The following ADAMTSL1 variants were observed in gnomAD, a reference collection of about 807,000 sequenced individuals.
ADAMTSL1 encodes ADAMTS like 1, also known as ADAMTS-like protein 1.
In ADAMTSL1, 126 loss-of-function variants were observed where a neutral mutation model predicts 201.8. The observed-to-expected ratio is 0.62, with a 90% CI of 0.54 to 0.72. The LOEUF (loss-of-function observed/expected upper bound fraction) is 0.72, where lower values mean the gene tolerates loss of function less well. ADAMTSL1 is among the 30% of genes least tolerant of loss of function. ADAMTSL1 has a pLI of 0.00. For synonymous variants in ADAMTSL1, 1,121 were observed against 903.4 expected, an observed-to-expected ratio of 1.24 and a Z score of -4.32; for missense variants, 2,679 against 2,277.8, an observed-to-expected ratio of 1.18 and a Z score of -3.59.
Position 18,354,369 on chromosome 9 carries a change from G to A in ADAMTSL1, c.208-150460G>A, listed in dbSNP as rs541423705. 4.5e-4 allele frequency among the ~76,000 whole-genome samples: 68 copies of A among 152,098 alleles called. No homozygotes were observed. The South Asian group carries it at 0.013, about 28-fold the overall frequency. ...TGTATTTGATTAAGTTGTTAGATAG[G>A]TTTTTAAACAAATGATATAACCCCA... On this transcript the variant is annotated intron_variant, in intron 2 of 29. Transcript: ENST00000680146.
intron 1 of ADAMTSL1, among the ~76,000 whole-genome samples, chr9:18,015,023 G>A (rs1820200425): frequency 6.6e-6 from 1 of 152,088 alleles, no homozygotes; most frequent in Non-Finnish European, 1.5e-5. Flanking sequence ...AATCATAGCA[G>A]AAGTAGCATT....
intron 1 of ADAMTSL1, among the ~76,000 whole-genome samples, chr9:18,485,593 A>G (rs142653918): frequency 1.7e-3 from 261 of 152,356 alleles, no homozygotes; most frequent in Non-Finnish European, 2.2e-3. Context: ...GATGTGTCCC[A>G]GGCACTGTCC....
chr9:18,779,256 A>G (rs1821243467), intron 19 of ADAMTSL1, among the ~76,000 whole-genome samples: 1 of 152,210 alleles, frequency 6.6e-6, no homozygotes, highest in East Asian at 1.9e-4. Context: ...GACTCGGTGA[A>G]TAGATATATA....
At chr9:18,561,289 A>T (rs1821478645) in intron 3 of ADAMTSL1, among the ~76,000 whole-genome samples, 1 of 152,158 alleles carries the variant, frequency 6.6e-6, no homozygotes, top group Admixed American at 6.5e-5. Context: ...TTCATTATTT[A>T]CCCAGTAGTC....
chr9:18,046,208 C>T (rs73645703), intron 1 of ADAMTSL1, among the ~76,000 whole-genome samples: 1 of 152,048 alleles, frequency 6.6e-6, no homozygotes, highest in African/African-American at 2.4e-5. Flanking sequence ...GGCTTGAGTG[C>T]TGTAATGCAG....
At chr9:18,312,127 T>C (rs754518177) in intron 2 of ADAMTSL1, among the ~76,000 whole-genome samples, 1 of 152,076 alleles carries the variant, frequency 6.6e-6, no homozygotes, top group South Asian at 2.1e-4. Context: ...AAGATGAAAT[T>C]AGGGGTACAG....
intron 1 of ADAMTSL1, among the ~76,000 whole-genome samples, chr9:18,128,980 T>G (rs1305458243): frequency 6.6e-6 from 1 of 152,198 alleles, no homozygotes; most frequent in Non-Finnish European, 1.5e-5. Flanking sequence ...ATCTATAAAG[T>G]CTTCTATAAA....
chr9:18,782,002 C>T lies in ADAMTSL1; in HGVS notation c.3677+4096C>T, dbSNP rs559499789. Among the ~76,000 whole-genome samples the T allele has an allele frequency of 7.2e-5, 11 of 152,314 alleles. No homozygotes were observed. In the South Asian group the frequency reaches 2.3e-3, roughly 32 times the overall value. On this transcript the variant is annotated intron_variant, in intron 19 of 28. Coordinates refer to ENST00000380548, the MANE Select transcript of ADAMTSL1 (RefSeq NM_001040272.6). ...TCACATAGTTCTCAGAAATGCATGT[C>T]TGTCAACTTCTCAAGCAGTCGTTTA... is the stretch of plus-strand genomic sequence containing the variant.
chr9:18,247,273 A>C (rs1411849237), intron 2 of ADAMTSL1, among the ~76,000 whole-genome samples: 1 of 152,246 alleles, frequency 6.6e-6, no homozygotes, highest in Non-Finnish European at 1.5e-5. Flanking sequence ...CATTTATGAC[A>C]CTAATAAAAT....
At chr9:18,886,607 T>G (rs1288784506) in intron 23 of ADAMTSL1, among the ~76,000 whole-genome samples, 1 of 152,204 alleles carries the variant, frequency 6.6e-6, no homozygotes, top group Non-Finnish European at 1.5e-5. Flanking sequence ...GGTGAGGGCT[T>G]GCTGTCTGCT....
chr9:18,764,916 A>G (rs1005597310), intron 16 of ADAMTSL1, among the ~76,000 whole-genome samples: 3 of 152,234 alleles, frequency 2.0e-5, no homozygotes, highest in African/African-American at 4.8e-5. Flanking sequence ...ATCAAGTCCT[A>G]TCTGCAAACT....
intron 13 of ADAMTSL1, among the ~76,000 whole-genome samples, chr9:18,685,112 G>A (rs1830746488): frequency 6.6e-6 from 1 of 152,248 alleles, no homozygotes; most frequent in Admixed American, 6.5e-5. Flanking sequence ...TGCAGCTGAT[G>A]ATATAACATA....
At chr9:17,988,145 G>A (rs1478718785) in intron 1 of ADAMTSL1, among the ~76,000 whole-genome samples, 1 of 152,034 alleles carries the variant, frequency 6.6e-6, no homozygotes, top group African/African-American at 2.4e-5. Context: ...CTGGGAGTTG[G>A]CAGGTGCAAG....
chr9:18,211,109 A>G (rs1829854993), intron 2 of ADAMTSL1, among the ~76,000 whole-genome samples: 3 of 152,134 alleles, frequency 2.0e-5, no homozygotes, highest in Non-Finnish European at 2.9e-5. Flanking sequence ...GCACTATTTA[A>G]TGGTCCCAAA....
At chr9:18,096,014 T>G (rs1438673857) in intron 1 of ADAMTSL1, among the ~76,000 whole-genome samples, 5 of 152,160 alleles carry the variant, frequency 3.3e-5, no homozygotes, top group Non-Finnish European at 7.3e-5. Flanking sequence ...TTTCCTTCAT[T>G]TCTGGTTGTC....
chr9:18,723,071 A>T (rs772466199), intron 15 of ADAMTSL1: 19 of 779,044 alleles, frequency 2.4e-5, no homozygotes, highest in South Asian at 2.4e-4. Context: ...TAGGCAACCA[A>T]GAGGCCTGGC....
chr9:18,681,701 G>GGGGGGT lies in ADAMTSL1; in HGVS notation c.1342-106_1342-105insTGGGGG. ...AATTTACCAGGAGTCCTCGTGTGGG[G>GGGGGGT]GGGGGGGGCGGGGAAAAAGAAAACT... On this transcript the variant is annotated intron_variant, in intron 11 of 28. Coordinates refer to ENST00000380548, the MANE Select transcript of ADAMTSL1 (RefSeq NM_001040272.6). 4.3e-6 allele frequency: 2 copies of GGGGGGT among 470,098 alleles called. 1 individual carries two copies. Among genetic ancestry groups the GGGGGGT allele is most frequent in the Non-Finnish European group, 6.2e-6 (2 of 321,130 alleles). The allele number at this position is 470,098 out of a possible 1,614,324, so 29.1% of individuals were successfully genotyped here. A position where few individuals can be genotyped will look rare whatever the true frequency, so the allele number is the denominator to read the frequency against.
intron 2 of ADAMTSL1, among the ~76,000 whole-genome samples, chr9:18,167,974 T>G (rs775002085): frequency 2.6e-5 from 4 of 151,976 alleles, no homozygotes; most frequent in Non-Finnish European, 4.4e-5. Context: ...GGAACAAATG[T>G]GATCTAATTG....
intron 2 of ADAMTSL1, among the ~76,000 whole-genome samples, chr9:18,445,198 T>C (rs1820144326): frequency 6.6e-6 from 1 of 152,180 alleles, no homozygotes; most frequent in Non-Finnish European, 1.5e-5. Flanking sequence ...CCAGTTTCTC[T>C]CTTCAGTATC....
Sources: gnomAD v4.1 joint callset for allele counts (sites outside exome capture counted in the v4.1 genomes callset) on GRCh38, gnomAD v4.1.1 for gene constraint, MANE v1.5 for transcripts, NCBI Gene and HGNC (gene_info 2026-07-23, HGNC 2026-07-21) for gene names.